The following TRPC6 variants were observed in gnomAD, a reference collection of about 807,000 sequenced individuals.
TRPC6 encodes transient receptor potential cation channel subfamily C member 6, also known as short transient receptor potential channel 6.
Under a neutral mutation model 90.7 loss-of-function variants are expected in TRPC6, and 55 were observed. The observed-to-expected ratio is 0.61, with a 90% CI of 0.49 to 0.76. The LOEUF (loss-of-function observed/expected upper bound fraction) is 0.76. Among genes scored for constraint, TRPC6 ranks in the 30% least tolerant of loss-of-function variants. The pLI is 0.00. For missense variants in TRPC6, 989 were observed against 1,122.7 expected (o/e 0.88, Z 1.70); for synonymous variants, 393 against 393.0 (o/e 1.00, Z 0.00).
In TRPC6 at chr11:101,452,870, C is replaced by G; in HGVS notation, c.*85G>C. 3.3e-6 allele frequency: 5 copies of G among 1,502,950 alleles called. No homozygotes were observed. The highest frequency in any genetic ancestry group is 2.8e-6 in the Non-Finnish European group (3 of 1,085,094). The allele number at this position is 1,502,950 out of a possible 1,614,324, so 93.1% of individuals were successfully genotyped here. ...AACGTTTTCTTGTTTAAAAGGTGGG[C>G]CCATTGGCACTTAAGAAAATAAATC... On this transcript the variant is annotated 3_prime_UTR_variant, in exon 13 of 13. Transcript: ENST00000344327.
At chr11:101,503,925 C>T in intron 2 of TRPC6, 99 bp downstream of exon 2, 2 of 1,439,850 alleles carry the variant, frequency 1.4e-6, no homozygotes. Context: ...GACCTAGTGT[C>T]CACAGTAACT....
chr11:101,479,131 T>C (rs1482223407), intron 5 of TRPC6, among the ~76,000 whole-genome samples: 8 of 152,168 alleles, frequency 5.3e-5, no homozygotes, highest in African/African-American at 1.9e-4. Context: ...TGAGAACCAC[T>C]CACTCTCCTA....
At chr11:101,572,913 C>T (rs1416760274) in intron 1 of TRPC6, among the ~76,000 whole-genome samples, 2 of 151,742 alleles carry the variant, frequency 1.3e-5, no homozygotes, top group Admixed American at 6.6e-5. Context: ...ATGTAGATGA[C>T]GGGTTGATGG....
At chr11:101,512,924 A>G (rs532415161) in intron 1 of TRPC6, among the ~76,000 whole-genome samples, 48 of 151,940 alleles carry the variant, frequency 3.2e-4, no homozygotes, top group Non-Finnish European at 6.6e-4. Flanking sequence ...AGGAAAAAAC[A>G]CACTTCAATT....
chr11:101,475,621 C>G (rs943849927), intron 6 of TRPC6, among the ~76,000 whole-genome samples: 2 of 152,044 alleles, frequency 1.3e-5, no homozygotes, highest in East Asian at 3.9e-4. Flanking sequence ...TGGCCAACAT[C>G]TCCCCATTTT....
At chr11:101,556,328 GA>G (rs11365306) in intron 1 of TRPC6, among the ~76,000 whole-genome samples, 36,541 of 149,644 alleles carry the variant, frequency 0.24, 4,717 homozygotes, top group East Asian at 0.4. Flanking sequence ...GGCTCACTAA[GA>G]AAAAAAAATA....
At chr11:101,470,177 C>T (rs1859254519) in intron 9 of TRPC6, among the ~76,000 whole-genome samples, 1 of 152,174 alleles carries the variant, frequency 6.6e-6, no homozygotes, top group African/African-American at 2.4e-5. Flanking sequence ...GTGGGAGGCT[C>T]ACTACTTCTA....
chr11:101,519,636 T>C (rs762307030), intron 1 of TRPC6, among the ~76,000 whole-genome samples: 3 of 152,080 alleles, frequency 2.0e-5, no homozygotes, highest in African/African-American at 4.8e-5. Flanking sequence ...GGTGGTGTCC[T>C]GGGCTTCTTT....
chr11:101,553,792 A>G (rs1861502982), intron 1 of TRPC6, among the ~76,000 whole-genome samples: 1 of 152,064 alleles, frequency 6.6e-6, no homozygotes, highest in Non-Finnish European at 1.5e-5. Context: ...GAGTAAGTGC[A>G]CTCATACATC....
chr11:101,569,926 T>C (rs1861920770), intron 1 of TRPC6, among the ~76,000 whole-genome samples: 1 of 151,968 alleles, frequency 6.6e-6, no homozygotes, highest in African/African-American at 2.4e-5. Flanking sequence ...ATAAGAGATC[T>C]AAAATTGACA....
intron 1 of TRPC6, among the ~76,000 whole-genome samples, chr11:101,553,499 G>C (rs78862913): frequency 6.6e-6 from 1 of 151,968 alleles, no homozygotes; most frequent in Non-Finnish European, 1.5e-5. Flanking sequence ...CTCACCTATC[G>C]CATCAGCCCC....
Position 101,488,923 on chromosome 11 carries a change from C to T in TRPC6, c.1293+14G>A. 6.2e-7 allele frequency: 1 copy of T among 1,611,102 alleles called. No homozygotes were observed. The highest frequency in any genetic ancestry group is 8.5e-7 in the Non-Finnish European group (1 of 1,179,948). ...TTCTAGTAGATAATAGAGGTCCAGG[C>T]TTCACATACATACCTTGCTGCATGG... is the stretch of plus-strand genomic sequence containing the variant. On this transcript the variant is annotated intron_variant, in intron 4 of 12. Coordinates refer to ENST00000344327, the MANE Select transcript of TRPC6 (RefSeq NM_004621.6).
At chr11:101,554,444 G>A (rs891647207) in intron 1 of TRPC6, among the ~76,000 whole-genome samples, 1 of 151,880 alleles carries the variant, frequency 6.6e-6, no homozygotes, top group Admixed American at 6.6e-5. Flanking sequence ...AGAATAAACA[G>A]TGGCCTGATT....
intron 7 of TRPC6, 100 bp from the exon 8 acceptor site, chr11:101,472,432 T>G (rs1175611341): frequency 2.0e-5 from 23 of 1,178,428 alleles, no homozygotes; most frequent in Non-Finnish European, 2.6e-5. Context: ...TGCAAATTAG[T>G]GAGTATAAAA....
chr11:101,459,517 AT>A (rs1176194984), intron 10 of TRPC6, among the ~76,000 whole-genome samples: 3 of 152,198 alleles, frequency 2.0e-5, no homozygotes, highest in Admixed American at 2.0e-4. Flanking sequence ...TTAAGCTATG[AT>A]TAAAATATGT....
chr11:101,524,838 T>C (rs1029407724), intron 1 of TRPC6, among the ~76,000 whole-genome samples: 21 of 152,232 alleles, frequency 1.4e-4, no homozygotes, highest in African/African-American at 4.8e-4. Flanking sequence ...GTGTCATTAT[T>C]TTATGAATTT....
chr11:101,492,054 T>A (rs12802815), intron 2 of TRPC6, among the ~76,000 whole-genome samples: 2 of 151,998 alleles, frequency 1.3e-5, no homozygotes, highest in South Asian at 4.2e-4. Flanking sequence ...TTAGCCAGGA[T>A]GGTTTCGATC....
At chr11:101,571,934 C>T (rs1342031924) in intron 1 of TRPC6, among the ~76,000 whole-genome samples, 2 of 152,164 alleles carry the variant, frequency 1.3e-5, no homozygotes, top group Admixed American at 1.3e-4. Context: ...AAAACCTAGG[C>T]AATACCATTC....
intron 1 of TRPC6, among the ~76,000 whole-genome samples, chr11:101,571,423 T>G (rs1332766744): frequency 6.6e-6 from 1 of 152,124 alleles, no homozygotes; most frequent in Non-Finnish European, 1.5e-5. Flanking sequence ...AGAATCAATA[T>G]TGTGAAAATG....
Sources: gnomAD v4.1 joint callset for allele counts (sites outside exome capture counted in the v4.1 genomes callset) on GRCh38, gnomAD v4.1.1 for gene constraint, MANE v1.5 for transcripts, NCBI Gene and HGNC (gene_info 2026-07-23, HGNC 2026-07-21) for gene names.